The following GEMIN4 variants were observed in gnomAD, a reference collection of about 807,000 sequenced individuals.
GEMIN4 encodes gem-associated protein 4.
GEMIN4 carries 59 observed loss-of-function variants against 76.8 expected under a neutral mutation model. The ratio of observed to expected loss-of-function variants is 0.77; its 90% CI spans 0.62 to 0.95. The LOEUF (loss-of-function observed/expected upper bound fraction) is 0.95, where lower values mean the gene tolerates loss of function less well. GEMIN4 is among the 40% of genes least tolerant of loss of function. GEMIN4 has a pLI of 0.00. For synonymous variants in GEMIN4, 562 were observed against 559.7 expected (o/e 1.00, Z -0.06); for missense variants, 1,311 against 1,318.9 (o/e 0.99, Z 0.09).
chr17:748,284 G>A, intron 1 of GEMIN4: 1 of 505,102 alleles, frequency 2.0e-6, no homozygotes, highest in Non-Finnish European at 3.5e-6. Flanking sequence ...AGGGAATGGA[G>A]GAGAATCAGA....
upstream of GEMIN4, chr17:753,023 G>T: frequency 6.1e-6 from 1 of 162,866 alleles, no homozygotes. Flanking sequence ...TCCGGCCTCA[G>T]ACGTGAGAGC....
chr17:751,110 G>A (rs1904660328), intron 1 of GEMIN4, among the ~76,000 whole-genome samples: 2 of 152,188 alleles, frequency 1.3e-5, no homozygotes, highest in South Asian at 4.1e-4. Context: ...TATCATGGAT[G>A]GTTAACTAGT....
upstream of GEMIN4, chr17:752,806 C>T: frequency 5.7e-6 from 1 of 174,724 alleles, no homozygotes; most frequent in Non-Finnish European, 1.1e-5. Flanking sequence ...CTGTCTCCTC[C>T]CCCTGAGATC....
chr17:745,819 C>T lies in GEMIN4; in HGVS notation c.2224G>A (p.Ala742Thr), dbSNP rs1014625499. 1 of 1,613,080 alleles carries T rather than the reference C, an allele frequency of 6.2e-7. No individual in the cohort carries two copies. Among genetic ancestry groups the T allele is most frequent in the Non-Finnish European group, 8.5e-7 (1 of 1,179,770 alleles). The change falls in exon 2 of 2, where the codon GCC (alanine) becomes ACC (threonine). Residue 742 changes from alanine (A) to threonine (T), a missense_variant. By Grantham distance (58) the Ala-to-Thr change is moderately conservative. Around this residue, in one of 2 missense-constraint regions of GEMIN4, gnomAD observed 1,208 missense variants for 1,166.9 expected, o/e 1.04. Transcript: ENST00000319004. The surrounding 1 kb of genome is among the most constrained non-coding windows in gnomAD (Gnocchi z 4.6). ...TCCGGGGAGAAGGTCTCAGCATTGG[C>T]TGATACAATCTCACACAGGAGCTCC... The part of the protein sequence containing the change: ...ILELLCEIVS[A>T]NAETFSPDVW...
Position 746,944 on chromosome 17 carries a change from T to A in GEMIN4, c.1099A>T (p.Ser367Cys). 6.2e-7 allele frequency: 1 copy of A among 1,613,484 alleles called. No individual in the cohort carries two copies. ...ACCTGCCTGTCCTCCTTGGACAGGC[T>A]GGTGCGGTTCAGGTAGAGCGTCGCG... The part of the protein sequence containing the change: ...QNATLYLNRT[S>C]LSKEDRQVVS... Residue 367 changes from serine (S) to cysteine (C), a missense_variant, in exon 2 of 2, where the codon AGC becomes TGC. Physicochemically the swap from Ser to Cys is moderately radical, Grantham distance 112. Coordinates refer to ENST00000319004, the MANE Select transcript of GEMIN4 (RefSeq NM_015721.3). The surrounding 1 kb of genome is among the most constrained non-coding windows in gnomAD (Gnocchi z 4.3).
chr17:745,947 A>T lies in GEMIN4; in HGVS notation c.2096T>A (p.Phe699Tyr). The T allele has an allele frequency of 6.2e-7, 1 of 1,613,216 alleles. No homozygotes were observed. The highest frequency in any genetic ancestry group is 8.5e-7 in the Non-Finnish European group (1 of 1,179,840). Reference sequence around the variant, plus strand: ...GCGGTCCAAGAGCTGGCACAAGCTGAAGAGGAGTGGAAACGGGGAGCAGGT... The same window carrying T: ...GCGGTCCAAGAGCTGGCACAAGCTGTAGAGGAGTGGAAACGGGGAGCAGGT... ...LQTCSPFPLL[F>Y]SLCQLLDRFS... Residue 699 changes from phenylalanine (F) to tyrosine (Y), a missense_variant, in exon 2 of 2, where the codon TTC becomes TAC. This residue lies in a region of GEMIN4 where 1,208 missense variants were observed against 1,166.9 expected (regional missense o/e 1.04). Coordinates refer to ENST00000319004, the MANE Select transcript of GEMIN4 (RefSeq NM_015721.3). This position sits in a 1 kb window ranked among gnomAD's most constrained non-coding sequence, Gnocchi z 4.6.
chr17:747,970 G>A lies in GEMIN4; in HGVS notation c.73C>T (p.Leu25=), dbSNP rs1764426377. The change falls in exon 2 of 2, where the codon CTG becomes TTG. Residue 25 remains leucine, a synonymous_variant. Coordinates refer to ENST00000319004, the MANE Select transcript of GEMIN4 (RefSeq NM_015721.3). ...TCTGCCAGTGCCTTAGGGTGGAACA[G>A]CTGCTCGGCCAGCAAGAAGCCTCCA... is the stretch of plus-strand genomic sequence containing the variant. ...LHGGFLLAEQ[L]FHPKALAELT... 4 of 1,612,778 alleles carry A rather than the reference G, an allele frequency of 2.5e-6. No homozygotes were observed. In the South Asian group the frequency reaches 4.4e-5, roughly 18 times the overall value.
At chr17:751,860 G>A (rs1904716821) in intron 1 of GEMIN4, 3 of 373,354 alleles carry the variant, frequency 8.0e-6, no homozygotes, top group Non-Finnish European at 1.4e-5. Context: ...ACGTGCGCGA[G>A]CCCCGGGCGC....
chr17:751,587 C>T (rs978530246), intron 1 of GEMIN4: 1 of 152,520 alleles, frequency 6.6e-6, no homozygotes, highest in Non-Finnish European at 1.5e-5. Context: ...CAAAGTGATA[C>T]CTCAGGAGCG....
In GEMIN4 at chr17:746,969, G is replaced by A. The variant is rs199826862; in HGVS notation, c.1074C>T (p.Asn358=). 1.4e-4 allele frequency: 228 copies of A among 1,613,250 alleles called. No homozygotes were observed. The highest frequency in any genetic ancestry group is 1.5e-4 in the Non-Finnish European group (173 of 1,179,750). The part of the protein sequence containing the change: ...LCDSLTSFSQ[N]ATLYLNRTSL... ...TGGTGCGGTTCAGGTAGAGCGTCGC[G>A]TTCTGGCTGAAGGAAGTCAGACTGT... is the stretch of plus-strand genomic sequence containing the variant. Residue 358 remains asparagine, a synonymous_variant, in exon 2 of 2, where the codon AAC becomes AAT. Transcript: ENST00000319004. This position sits in a 1 kb window ranked among gnomAD's most constrained non-coding sequence, Gnocchi z 4.3.
In GEMIN4 at chr17:745,602, C is replaced by T. The variant is rs762179903; in HGVS notation, c.2441G>A (p.Gly814Glu). The T allele has an allele frequency of 1.1e-5, 17 of 1,609,246 alleles. No individual in the cohort carries two copies. Among genetic ancestry groups the T allele is most frequent in the Non-Finnish European group, 1.4e-5 (17 of 1,178,436 alleles). Residue 814 changes from glycine (G) to glutamate (E), a missense_variant, in exon 2 of 2, where the codon GGG becomes GAG. Around this residue, in one of 2 missense-constraint regions of GEMIN4, gnomAD observed 1,208 missense variants for 1,166.9 expected, o/e 1.04. Coordinates refer to ENST00000319004, the MANE Select transcript of GEMIN4 (RefSeq NM_015721.3). The surrounding 1 kb of genome is among the most constrained non-coding windows in gnomAD (Gnocchi z 4.6). ...GCAGCACTCCATCCAGGCCAGGAGC[C>T]CCGTGCCAGCCCCGTACCCTGGGTG... is the stretch of plus-strand genomic sequence containing the variant. Reference protein sequence around the residue: ...QAHPGYGAGTGLLAWMECCCV... With the variant: ...QAHPGYGAGTELLAWMECCCV...
At position 747,286 on chromosome 17, in the gene GEMIN4, T is replaced by G; in HGVS notation, c.757A>C (p.Thr253Pro). The G allele has an allele frequency of 6.2e-7, 1 of 1,613,738 alleles. No individual in the cohort carries two copies. Among genetic ancestry groups the G allele is most frequent in the Non-Finnish European group, 8.5e-7 (1 of 1,179,852 alleles). The change falls in exon 2 of 2, where the codon ACA becomes CCA. Residue 253 changes from threonine (T) to proline (P), a missense_variant. This residue lies in a region of GEMIN4 where 1,208 missense variants were observed against 1,166.9 expected (regional missense o/e 1.04). Transcript: ENST00000319004. ...GACACCTCCTGGGGGTCGTCCTCTGTCAGCGCAAACACAGTCAGCATGTCA... is the reference window on the plus strand; with the variant it reads ...GACACCTCCTGGGGGTCGTCCTCTGGCAGCGCAAACACAGTCAGCATGTCA... ...LADMLTVFAL[T>P]EDDPQEVSAT...
Position 744,738 on chromosome 17 carries a change from C to G in GEMIN4, c.*128G>C. ...GGACAGTTTCACATAACTGTAAAGTCCAGGCTGCTCGGGTCTGACCCCTAC... is the reference window on the plus strand; with the variant it reads ...GGACAGTTTCACATAACTGTAAAGTGCAGGCTGCTCGGGTCTGACCCCTAC... On this transcript the variant is annotated 3_prime_UTR_variant, in exon 2 of 2. Transcript: ENST00000319004. The G allele has an allele frequency of 1.1e-6, 1 of 937,308 alleles. No individual in the cohort carries two copies. The highest frequency in any genetic ancestry group is 1.8e-5 in the South Asian group (1 of 55,186). 58.1% of individuals were successfully genotyped at this position (937,308 alleles called of 1,614,324 possible).
intron 1 of GEMIN4, chr17:750,035 T>A (rs940087540): frequency 3.1e-6 from 3 of 965,652 alleles, no homozygotes; most frequent in Non-Finnish European, 3.7e-6. Context: ...AGACATGGGT[T>A]TAAATCCTAG....
chr17:744,431 C>CATA lies in GEMIN4; in HGVS notation c.*434_*435insTAT, dbSNP rs1312603011. The CATA allele has an allele frequency of 6.2e-6, 1 of 162,002 alleles. No individual in the cohort carries two copies. The highest frequency in any genetic ancestry group is 2.4e-5 in the African/African-American group (1 of 41,526). 10.0% of individuals were successfully genotyped at this position (162,002 alleles called of 1,614,324 possible). A position where few individuals can be genotyped will look rare whatever the true frequency, so the allele number is the denominator to read the frequency against. On this transcript the variant is annotated 3_prime_UTR_variant, in exon 2 of 2. Transcript: ENST00000319004. ...GAAATAACTCTTGAAGGGGGTTATA[C>CATA]GTACCATGTAATGCTTTTTCCACTC... is the stretch of plus-strand genomic sequence containing the variant.
At chr17:752,282 C>T (rs534210492), upstream of GEMIN4, 101 of 1,225,276 alleles carry the variant, frequency 8.2e-5, 1 homozygote, top group African/African-American at 1.5e-3. Context: ...TCCGCCCGGC[C>T]CCGCCCACAG....
At position 752,204 on chromosome 17, in the gene GEMIN4, G is replaced by A. The variant is rs1010201604; in HGVS notation, c.-62C>T. 1 of 1,231,032 alleles carries A rather than the reference G, an allele frequency of 8.1e-7. No individual in the cohort carries two copies. The allele number at this position is 1,231,032 out of a possible 1,614,324, so 76.3% of individuals were successfully genotyped here. A position where few individuals can be genotyped will look rare whatever the true frequency, so the allele number is the denominator to read the frequency against. On this transcript the variant is annotated 5_prime_UTR_variant, in exon 1 of 2. Coordinates refer to ENST00000319004, the MANE Select transcript of GEMIN4 (RefSeq NM_015721.3). ...CCTCCCCTCCGAGAACTCGAACGCG[G>A]CGCGGGACGCACGGCACGATGGGAG...
chr17:752,058 A>C, intron 1 of GEMIN4, 75 bp downstream of exon 1: 1 of 1,014,826 alleles, frequency 9.9e-7, no homozygotes, highest in Non-Finnish European at 1.3e-6. Flanking sequence ...CGACAGGAGG[A>C]GACGCGACGG....
chr17:752,108 G>C (rs375352328), intron 1 of GEMIN4, 25 bp downstream of exon 1: 1 of 1,231,454 alleles, frequency 8.1e-7, no homozygotes, highest in Non-Finnish European at 1.0e-6. Flanking sequence ...GACGCAGCCC[G>C]GGGCCGGGGA....
Sources: allele counts gnomAD v4.1 joint callset (sites outside exome capture counted in the v4.1 genomes callset), GRCh38; gene constraint gnomAD v4.1.1; regional missense constraint gnomAD v4.1.1; non-coding constraint Gnocchi (gnomAD v3.1); transcripts MANE v1.5; gene names NCBI Gene and HGNC (gene_info 2026-07-23, HGNC 2026-07-21).